Variants in RFT1 observed in about 807,000 individuals in gnomAD.
RFT1 encodes man(5)GlcNAc(2)-PP-dolichol translocation protein RFT1.
RFT1 carries 43 observed loss-of-function variants against 62.2 expected under a neutral mutation model. The ratio of observed to expected loss-of-function variants is 0.69; its 90% confidence interval spans 0.54 to 0.89. The LOEUF (loss-of-function observed/expected upper bound fraction) is 0.89, where lower values mean the gene tolerates loss of function less well. Ranked by LOEUF, RFT1 falls within the 40% of genes least tolerant of loss-of-function variation. The probability of loss-of-function intolerance (pLI) is 0.00; values close to 1 mark genes in which losing one functional copy is unlikely to be tolerated. For missense variants in RFT1, 605 were observed against 649.9 expected, an observed-to-expected ratio of 0.93 and a Z score of 0.75; for synonymous variants, 262 against 264.6, an observed-to-expected ratio of 0.99 and a Z score of 0.10.
chr3:53,123,862 C>T (rs375046753), intron 2 of RFT1, 22 bp from the exon 3 acceptor site: 2 of 1,579,272 alleles, frequency 1.3e-6, no homozygotes, highest in Non-Finnish European at 1.7e-6. Context: ...AGGGAGAAAT[C>T]AATAAGGTCT....
chr3:53,074,068 G>A, the RFT1 span, among the ~76,000 whole-genome samples: 5 of 152,172 alleles, frequency 3.3e-5, no homozygotes, highest in Middle Eastern at 3.2e-3. Context: ...TGGGGGATGG[G>A]CCCTGGGGTC....
intron 7 of RFT1, among the ~76,000 whole-genome samples, chr3:53,108,389 C>CT (rs60743696): frequency 8.6e-4 from 104 of 120,460 alleles, no homozygotes; most frequent in African/African-American, 1.3e-3. Flanking sequence ...GCTTTCATAT[C>CT]TTTTTTTTTT....
At chr3:53,092,859 G>T (rs1344464254) in intron 11 of RFT1, among the ~76,000 whole-genome samples, 5 of 152,192 alleles carry the variant, frequency 3.3e-5, no homozygotes, top group Non-Finnish European at 7.3e-5. Context: ...AGTTAGTTAA[G>T]CGATACTTTG....
chr3:53,076,613 G>A, the RFT1 span, among the ~76,000 whole-genome samples: 23 of 152,134 alleles, frequency 1.5e-4, no homozygotes, highest in Non-Finnish European at 2.2e-4. Context: ...GAAATGTATG[G>A]AGAGGTGGCT....
intron 5 of RFT1, among the ~76,000 whole-genome samples, chr3:53,120,235 A>G (rs1701932449): frequency 6.6e-6 from 1 of 152,238 alleles, no homozygotes; most frequent in African/African-American, 2.4e-5. Flanking sequence ...CTTAACTGGA[A>G]GAACATAATT....
At chr3:53,124,004 T>C (rs1702041817) in intron 2 of RFT1, among the ~76,000 whole-genome samples, 164 bp from the exon 3 acceptor site, 2 of 152,116 alleles carry the variant, frequency 1.3e-5, no homozygotes, top group East Asian at 1.9e-4. Context: ...GTCTGATCCA[T>C]GAGAACTAAT....
the RFT1 span, among the ~76,000 whole-genome samples, chr3:53,072,281 G>A: frequency 2.0e-5 from 3 of 152,104 alleles, no homozygotes; most frequent in Non-Finnish European, 2.9e-5. Flanking sequence ...CATCCTGCCC[G>A]GGCGGGAACC....
intron 11 of RFT1, among the ~76,000 whole-genome samples, chr3:53,098,670 C>T (rs1701218343): frequency 6.6e-6 from 1 of 152,020 alleles, no homozygotes; most frequent in South Asian, 2.1e-4. Context: ...GGCATGGTGG[C>T]ACGCGCCTGT....
At position 53,092,591 on chromosome 3, in the gene RFT1, G is replaced by A. The variant is rs1442261216; in HGVS notation, c.1236C>T (p.Ser412=). 1.2e-6 allele frequency: 2 copies of A among 1,612,150 alleles called. No individual in the cohort carries two copies. Among genetic ancestry groups the A allele is most frequent in the African/African-American group, 1.3e-5 (1 of 74,892 alleles). ...DRYNFVMLAL[S]SSFLVLSYLL... is the part of the protein sequence containing the mutation. ...GATAGGATAACACCAGGAATGAGGA[G>A]GACAGGGCCAGCATCACAAAATTGT... Residue 412 remains serine (S), a synonymous_variant, in exon 12 of 13, where the codon TCC becomes TCT. Coordinates refer to ENST00000296292, the MANE Select transcript of RFT1 (RefSeq NM_052859.4).
At position 53,130,343 on chromosome 3, in the gene RFT1, G is replaced by A. The variant is rs1274670714; in HGVS notation, c.58C>T (p.Leu20=). 5 of 1,568,158 alleles carry A rather than the reference G, an allele frequency of 3.2e-6. No individual in the cohort carries two copies. The East Asian group carries it at 9.5e-5, about 30-fold the overall frequency. The change falls in exon 1 of 13, where the codon CTG becomes TTG. Residue 20 remains leucine (L), a synonymous_variant. Transcript: ENST00000296292. ...ACCTGAAGGGCAGAGAGTACCTGCA[G>A]GAGGAGACCGGAGGAGGCCAGCCGG... is the stretch of plus-strand genomic sequence containing the variant. The part of the protein sequence containing the change: ...AARLASSGLL[L]QVLFRLITFV...
chr3:53,122,611 A>T, intron 3 of RFT1, 48 bp from the exon 4 acceptor site: 2 of 1,213,590 alleles, frequency 1.6e-6, no homozygotes, highest in Non-Finnish European at 2.2e-6. Flanking sequence ...AATAAATATA[A>T]ATATATATTA....
chr3:53,088,056 G>C (rs1351663754), downstream of RFT1, among the ~76,000 whole-genome samples: 2 of 152,210 alleles, frequency 1.3e-5, no homozygotes, highest in Non-Finnish European at 2.9e-5. Context: ...GATGGAGGAG[G>C]ATATTAGAGT....
At chr3:53,094,434 G>A (rs1322708879) in intron 11 of RFT1, among the ~76,000 whole-genome samples, 2 of 151,758 alleles carry the variant, frequency 1.3e-5, no homozygotes, top group East Asian at 1.9e-4. Context: ...GCTTTCATCC[G>A]GAGTTCCAGA....
chr3:53,102,013 G>T (rs1047346310), intron 10 of RFT1, among the ~76,000 whole-genome samples: 2 of 152,012 alleles, frequency 1.3e-5, no homozygotes, highest in African/African-American at 4.8e-5. Context: ...CTCCAGCCTG[G>T]GTGATAGAGT....
chr3:53,124,694 T>C (rs960541610), intron 2 of RFT1, among the ~76,000 whole-genome samples: 2 of 152,156 alleles, frequency 1.3e-5, no homozygotes, highest in South Asian at 2.1e-4. Flanking sequence ...CAAGTGCCTA[T>C]ATTTCTCAGG....
intron 11 of RFT1, among the ~76,000 whole-genome samples, chr3:53,095,701 G>A (rs1701119737): frequency 6.9e-6 from 1 of 143,974 alleles, no homozygotes; most frequent in Non-Finnish European, 1.5e-5. Flanking sequence ...GGGCGACAGA[G>A]TGAGACCCTG....
intron 6 of RFT1, among the ~76,000 whole-genome samples, chr3:53,119,605 A>AG (rs1701909116): frequency 6.6e-6 from 1 of 152,106 alleles, no homozygotes; most frequent in Non-Finnish European, 1.5e-5. Flanking sequence ...TGCTCCACTG[A>AG]GGGGTGGTTG....
At chr3:53,079,607 G>A in the RFT1 span, among the ~76,000 whole-genome samples, 101 of 152,260 alleles carry the variant, frequency 6.6e-4, no homozygotes, top group East Asian at 7.7e-4. Flanking sequence ...GGTGGTGGGC[G>A]CCTGTAATCC....
the RFT1 span, among the ~76,000 whole-genome samples, chr3:53,075,149 C>T: frequency 1.6e-4 from 24 of 152,234 alleles, no homozygotes; most frequent in African/African-American, 5.5e-4. Flanking sequence ...CTCAGCTCCA[C>T]TCCCTTCCCT....
Sources: gnomAD v4.1 joint callset for allele counts (sites outside exome capture counted in the v4.1 genomes callset) on GRCh38, gnomAD v4.1.1 for gene constraint, MANE v1.5 for transcripts, NCBI Gene and HGNC (gene_info 2026-07-23, HGNC 2026-07-21) for gene names.